The following TRDN variants were observed in gnomAD, a reference collection of about 807,000 sequenced individuals.
The protein encoded by TRDN is triadin, also known as triadin in skeletal muscle.
Under a neutral mutation model 149.7 loss-of-function variants are expected in TRDN, and 161 were observed. The observed-to-expected ratio is 1.08, with a 90% CI of 0.95 to 1.23. The LOEUF (loss-of-function observed/expected upper bound fraction) is 1.23. Ranked by LOEUF, TRDN falls within the 50% of genes most tolerant of loss-of-function variation. The pLI, the probability that TRDN is intolerant of heterozygous loss-of-function variation, is 0.00. For missense variants in TRDN, 896 were observed against 823.5 expected, an observed-to-expected ratio of 1.09 and a Z score of -1.08; for synonymous variants, 294 against 250.5, an observed-to-expected ratio of 1.17 and a Z score of -1.64.
At chr6:123,467,806 T>C (rs1031411053) in intron 9 of TRDN, among the ~76,000 whole-genome samples, 4 of 152,090 alleles carry the variant, frequency 2.6e-5, no homozygotes, top group Non-Finnish European at 5.9e-5. Context: ...TAATGAATTA[T>C]ATTAAATGTG....
intron 24 of TRDN, among the ~76,000 whole-genome samples, chr6:123,287,121 C>A (rs1777830702): frequency 6.6e-6 from 1 of 152,078 alleles, no homozygotes; most frequent in African/African-American, 2.4e-5. Flanking sequence ...ATGATGAAAT[C>A]TCACCAATAA....
intron 1 of TRDN, among the ~76,000 whole-genome samples, chr6:123,622,329 AC>A (rs1785433754): frequency 7.7e-6 from 1 of 129,772 alleles, no homozygotes; most frequent in African/African-American, 3.1e-5. Flanking sequence ...ACACACACAC[AC>A]ACACACACAC....
rs370560954 is a variant in TRDN at position 123,493,306 on chromosome 6, G to T, written c.853+3887C>A. ...TAATTTATACTGGTTTATTAAGATG[G>T]TCCCTATAATTGAAGTGAGGATTAT... On this transcript the variant is annotated intron_variant, in intron 9 of 40. Coordinates refer to ENST00000334268, the MANE Select transcript of TRDN (RefSeq NM_006073.4). Among the ~76,000 whole-genome samples, 6 of 152,064 alleles carry T rather than the reference G, an allele frequency of 3.9e-5. No homozygotes were observed. The East Asian group carries it at 9.6e-4, about 24-fold the overall frequency.
chr6:123,448,077 A>G (rs1324518381), intron 10 of TRDN, among the ~76,000 whole-genome samples: 1 of 152,234 alleles, frequency 6.6e-6, no homozygotes, highest in Non-Finnish European at 1.5e-5. Flanking sequence ...AGCAGCAGAA[A>G]GACACTGAGA....
intron 1 of TRDN, among the ~76,000 whole-genome samples, chr6:123,627,716 G>A (rs1436062674): frequency 1.3e-5 from 2 of 152,128 alleles, no homozygotes; most frequent in African/African-American, 4.8e-5. Context: ...GGACTGTTTA[G>A]TCTACATTGA....
At chr6:123,599,083 C>A (rs9490829) in intron 1 of TRDN, among the ~76,000 whole-genome samples, 13 of 151,966 alleles carry the variant, frequency 8.6e-5, no homozygotes, top group Admixed American at 8.5e-4. Context: ...AGCAATATGT[C>A]AGGCACAATA....
At chr6:123,628,370 C>T (rs1372383649) in intron 1 of TRDN, among the ~76,000 whole-genome samples, 2 of 151,992 alleles carry the variant, frequency 1.3e-5, no homozygotes, top group Admixed American at 1.3e-4. Flanking sequence ...TTGGAGCAGT[C>T]AGAACACACA....
chr6:123,550,364 T>G (rs1478041039), intron 2 of TRDN, among the ~76,000 whole-genome samples: 1 of 151,940 alleles, frequency 6.6e-6, no homozygotes, highest in Non-Finnish European at 1.5e-5. Flanking sequence ...GTTAATACAT[T>G]GTTTTTGAGG....
At chr6:123,562,770 G>A (rs2114505535) in intron 2 of TRDN, among the ~76,000 whole-genome samples, 2 of 152,290 alleles carry the variant, frequency 1.3e-5, no homozygotes, top group South Asian at 4.1e-4. Flanking sequence ...ACTTGCATCT[G>A]CAAGTATTGT....
intron 18 of TRDN, 36 bp downstream of exon 18, chr6:123,377,680 G>A: frequency 6.2e-7 from 1 of 1,612,098 alleles, no homozygotes; most frequent in East Asian, 2.2e-5. Flanking sequence ...CACTGGACAT[G>A]AGTATTCGGA....
chr6:123,422,328 T>C (rs955075374), intron 12 of TRDN, among the ~76,000 whole-genome samples: 11 of 152,130 alleles, frequency 7.2e-5, no homozygotes, highest in African/African-American at 2.7e-4. Context: ...TGTTTTTTCC[T>C]TGGGGTTCAG....
Position 123,571,116 on chromosome 6 carries a change from G to A in TRDN, c.39C>T (p.Thr13=), listed in dbSNP as rs1301589156. 1 of 1,613,856 alleles carries A rather than the reference G, an allele frequency of 6.2e-7. No individual in the cohort carries two copies. Among genetic ancestry groups the A allele is most frequent in the Non-Finnish European group, 8.5e-7 (1 of 1,179,838 alleles). Residue 13 remains threonine, a synonymous_variant, in exon 2 of 41, where the codon ACC becomes ACT. Coordinates refer to ENST00000334268, the MANE Select transcript of TRDN (RefSeq NM_006073.4). ...CATTTTTGCTGTCTATCACAGTTGT[G>A]GTTGTAGATGCATTTCCTAATCAAA... is the stretch of plus-strand genomic sequence containing the variant. ...EITAEGNAST[T]TTVIDSKNGS...
intron 12 of TRDN, among the ~76,000 whole-genome samples, chr6:123,431,713 T>A (rs1047971438): frequency 6.6e-6 from 1 of 152,192 alleles, no homozygotes; most frequent in Non-Finnish European, 1.5e-5. Flanking sequence ...CAATTATAAA[T>A]GTACACATAA....
chr6:123,322,487 T>C (rs1213353941), intron 23 of TRDN, among the ~76,000 whole-genome samples: 1 of 152,060 alleles, frequency 6.6e-6, no homozygotes, highest in African/African-American at 2.4e-5. Flanking sequence ...AAATATTTCC[T>C]GAGTATTCAA....
chr6:123,293,800 C>T (rs1317428512), intron 24 of TRDN, among the ~76,000 whole-genome samples: 1 of 145,652 alleles, frequency 6.9e-6, no homozygotes, highest in Non-Finnish European at 1.5e-5. Flanking sequence ...TAGCTTTCCC[C>T]TGTACATCAA....
At chr6:123,428,448 T>C (rs979979945) in intron 12 of TRDN, among the ~76,000 whole-genome samples, 1 of 151,894 alleles carries the variant, frequency 6.6e-6, no homozygotes, top group African/African-American at 2.4e-5. Context: ...GGGAGTAGAG[T>C]CCAAAAGCAG....
At position 123,604,721 on chromosome 6, in the gene TRDN, G is replaced by A. The variant is rs74652590; in HGVS notation, c.22+32033C>T. 0.011 allele frequency among the ~76,000 whole-genome samples: 1,710 copies of A among 152,128 alleles called. 66 individuals carry two copies. The East Asian group carries it at 0.17, about 15-fold the overall frequency. On this transcript the variant is annotated intron_variant, in intron 1 of 40. Coordinates refer to ENST00000334268, the MANE Select transcript of TRDN (RefSeq NM_006073.4). ...AGTGTCTGCAGGACTTAAATTGTTT[G>A]ATGATTAGAGAGTGTTTGTGTTGGG... is the stretch of plus-strand genomic sequence containing the variant.
chr6:123,523,582 G>A (rs1170088443), intron 5 of TRDN, among the ~76,000 whole-genome samples: 1 of 152,120 alleles, frequency 6.6e-6, no homozygotes, highest in Non-Finnish European at 1.5e-5. Flanking sequence ...TGGGAAATCA[G>A]TTAAGAAGTG....
chr6:123,257,125 G>T (rs1776592977), intron 35 of TRDN, among the ~76,000 whole-genome samples: 1 of 151,752 alleles, frequency 6.6e-6, no homozygotes, highest in African/African-American at 2.4e-5. Context: ...GACCACTGGT[G>T]TGTGCCACCA....
Sources: gnomAD v4.1 joint callset for allele counts (sites outside exome capture counted in the v4.1 genomes callset) on GRCh38, gnomAD v4.1.1 for gene constraint, MANE v1.5 for transcripts, NCBI Gene and HGNC (gene_info 2026-07-23, HGNC 2026-07-21) for gene names.